CERK: variants seen among roughly 807,000 people sequenced by gnomAD.
The protein encoded by CERK is acylsphingosine kinase.
In CERK, 39 loss-of-function variants were observed where a neutral mutation model predicts 63.4. The observed-to-expected ratio is 0.61, with a 90% CI of 0.48 to 0.80. CERK has a LOEUF of 0.80. CERK is among the 30% of genes least tolerant of loss of function. The pLI, the probability that CERK is intolerant of heterozygous loss-of-function variation, is 0.00. For synonymous variants in CERK, 302 were observed against 280.0 expected (o/e 1.08, Z -0.78); for missense variants, 670 against 714.1 (o/e 0.94, Z 0.70).
chr22:46,737,449 C>A (rs2082980373), intron 1 of CERK, among the ~76,000 whole-genome samples: 1 of 152,228 alleles, frequency 6.6e-6, no homozygotes, highest in African/African-American at 2.4e-5. Flanking sequence ...GGGCAAGTAG[C>A]CAACCCGTGG....
At chr22:46,687,939 A>G (rs896308070) in intron 12 of CERK, among the ~76,000 whole-genome samples, 3 of 152,218 alleles carry the variant, frequency 2.0e-5, no homozygotes, top group Admixed American at 6.5e-5. Context: ...ACTCACGCCT[A>G]TAATCCCAGC....
intron 6 of CERK, among the ~76,000 whole-genome samples, chr22:46,707,129 G>A (rs543252244): frequency 2.6e-5 from 4 of 152,214 alleles, no homozygotes; most frequent in African/African-American, 4.8e-5. Context: ...GGATGACTGC[G>A]GTGCTCACAT....
At chr22:46,724,815 C>T (rs530955083) in intron 1 of CERK, among the ~76,000 whole-genome samples, 42 of 152,158 alleles carry the variant, frequency 2.8e-4, no homozygotes, top group Admixed American at 2.2e-3. Flanking sequence ...GTCAGGAGAT[C>T]GAGACCACCC....
intron 1 of CERK, among the ~76,000 whole-genome samples, chr22:46,722,637 G>A (rs1025762184): frequency 1.2e-4 from 18 of 144,940 alleles, no homozygotes; most frequent in African/African-American, 3.6e-4. Context: ...TCGGCTCACC[G>A]CAACCTCCAC....
intron 1 of CERK, among the ~76,000 whole-genome samples, chr22:46,726,322 C>T (rs1456121557): frequency 5.3e-5 from 8 of 152,220 alleles, no homozygotes; most frequent in African/African-American, 1.4e-4. Context: ...ACGTGAGGAC[C>T]GGCAGAGGGA....
rs1485431144 is a variant in CERK, at chr22:46,686,157, A to G, written c.*977T>C. On this transcript the variant is annotated 3_prime_UTR_variant, in exon 13 of 13. Coordinates refer to ENST00000216264, the MANE Select transcript of CERK (RefSeq NM_022766.6). The stretch of plus-strand genomic sequence containing the variant: ...GACAGACATCCGAGACGCAGTTTAC[A>G]CTACTCTGGCTTAAAAGGACAAGAT... 3 of 152,194 alleles carry G rather than the reference A, an allele frequency of 2.0e-5. No individual in the cohort carries two copies. The highest frequency in any genetic ancestry group is 6.5e-5 in the Admixed American group (1 of 15,274). 9.4% of individuals were successfully genotyped at this position (152,194 alleles called of 1,614,324 possible). A position where few individuals can be genotyped will look rare whatever the true frequency, so the allele number is the denominator to read the frequency against.
At chr22:46,696,534 C>T (rs906537898) in intron 8 of CERK, among the ~76,000 whole-genome samples, 11 of 152,318 alleles carry the variant, frequency 7.2e-5, no homozygotes, top group Admixed American at 4.6e-4. Context: ...TCTGATGTCC[C>T]GGTTTCTGTC....
At chr22:46,729,008 C>A (rs1460281611) in intron 1 of CERK, among the ~76,000 whole-genome samples, 1 of 152,224 alleles carries the variant, frequency 6.6e-6, no homozygotes, top group Non-Finnish European at 1.5e-5. Context: ...GGGCCCACCT[C>A]CCTCGCCACA....
chr22:46,699,566 T>C (rs1372222768), intron 7 of CERK, 101 bp from the exon 8 acceptor site: 1 of 1,101,648 alleles, frequency 9.1e-7, no homozygotes, highest in African/African-American at 1.6e-5. Flanking sequence ...GGAGTTACTT[T>C]TAAAAAGTGT....
At position 46,699,471 on chromosome 22, in the gene CERK, G is replaced by A; in HGVS notation, c.791-6C>T. On this transcript the variant is annotated splice_polypyrimidine_tract_variant and splice_region_variant and intron_variant, in intron 7 of 12. Coordinates refer to ENST00000216264, the MANE Select transcript of CERK (RefSeq NM_022766.6). ...ATCCATGGCCAGCGAGTCCCCTGTG[G>A]GAGAGAACGGCCGTGAGGGAAGGCA... The A allele has an allele frequency of 1.2e-6, 2 of 1,613,924 alleles. No homozygotes were observed. Among genetic ancestry groups the A allele is most frequent in the South Asian group, 1.1e-5 (1 of 91,064 alleles).
intron 2 of CERK, among the ~76,000 whole-genome samples, chr22:46,720,633 T>G (rs939008542): frequency 1.3e-5 from 2 of 151,848 alleles, no homozygotes; most frequent in Non-Finnish European, 2.9e-5. Flanking sequence ...GAAGCAGAGG[T>G]TGAACTAGCC....
intron 8 of CERK, among the ~76,000 whole-genome samples, chr22:46,697,661 A>G (rs1477086145): frequency 6.6e-6 from 1 of 152,062 alleles, no homozygotes; most frequent in Non-Finnish European, 1.5e-5. Context: ...GTGCACCACC[A>G]TGCCTGACTT....
intron 5 of CERK, among the ~76,000 whole-genome samples, chr22:46,709,826 T>C (rs2082831623): frequency 1.3e-5 from 2 of 152,176 alleles, no homozygotes; most frequent in African/African-American, 4.8e-5. Flanking sequence ...ATTTGAAAAC[T>C]TCTACTGGGA....
chr22:46,701,729 G>A lies in CERK; in HGVS notation c.716-19C>T. On this transcript the variant is annotated intron_variant, in intron 6 of 12. Transcript: ENST00000216264. The stretch of plus-strand genomic sequence containing the variant: ...GTTGACCCTGTAAAGGGAAAAAGAA[G>A]GTCCCAAATAGCATCAGAATAACAG... The A allele has an allele frequency of 6.5e-7, 1 of 1,543,444 alleles. No homozygotes were observed. Among genetic ancestry groups the A allele is most frequent in the South Asian group, 1.2e-5 (1 of 83,762 alleles).
chr22:46,731,752 C>T (rs1236841979), intron 1 of CERK, among the ~76,000 whole-genome samples: 2 of 152,028 alleles, frequency 1.3e-5, no homozygotes, highest in Admixed American at 6.6e-5. Flanking sequence ...AGGGCCAGAT[C>T]GGGGGAGGTC....
chr22:46,706,909 C>G (rs1409551924), intron 6 of CERK, among the ~76,000 whole-genome samples: 2 of 152,194 alleles, frequency 1.3e-5, no homozygotes, highest in African/African-American at 4.8e-5. Context: ...ATGACTCCCT[C>G]AAGTAAACAC....
chr22:46,720,597 G>A (rs989344485), intron 2 of CERK, among the ~76,000 whole-genome samples: 4 of 152,122 alleles, frequency 2.6e-5, no homozygotes, highest in Non-Finnish European at 4.4e-5. Context: ...TCAGGAGGCT[G>A]AGGCAGGAGA....
chr22:46,692,744 A>C (rs1300607658), intron 10 of CERK, among the ~76,000 whole-genome samples: 2 of 151,914 alleles, frequency 1.3e-5, no homozygotes, highest in African/African-American at 4.8e-5. Context: ...ATCTTTACTA[A>C]AAATACAAAG....
chr22:46,712,027 C>T lies in CERK; in HGVS notation c.505+141G>A, dbSNP rs558137357. 2.0e-5 allele frequency: 17 copies of T among 843,466 alleles called. No homozygotes were observed. In the South Asian group the frequency reaches 2.7e-4, roughly 13 times the overall value. 52.2% of individuals were successfully genotyped at this position (843,466 alleles called of 1,614,324 possible). ...ATCTGAGTCAAGGAGGCTGAGGTTA[C>T]AGTGACCCACAATTGCACCACTGCA... is the stretch of plus-strand genomic sequence containing the variant. On this transcript the variant is annotated intron_variant, in intron 4 of 12. Coordinates refer to ENST00000216264, the MANE Select transcript of CERK (RefSeq NM_022766.6).
Sources: gnomAD v4.1 joint callset for allele counts (sites outside exome capture counted in the v4.1 genomes callset) on GRCh38, gnomAD v4.1.1 for gene constraint, MANE v1.5 for transcripts, NCBI Gene and HGNC (gene_info 2026-07-23, HGNC 2026-07-21) for gene names.